PEAK1: variants seen among roughly 807,000 people sequenced by gnomAD.
The protein encoded by PEAK1 is inactive tyrosine-protein kinase PEAK1.
A neutral mutation model predicts 124.7 loss-of-function variants in PEAK1; 54 were observed. The ratio of observed to expected loss-of-function variants is 0.43; its 90% CI spans 0.35 to 0.54. The LOEUF (loss-of-function observed/expected upper bound fraction) is 0.54, where lower values mean the gene tolerates loss of function less well. PEAK1 is among the 20% of genes least tolerant of loss of function. PEAK1 has a pLI of 0.01. For missense variants in PEAK1, 2,046 were observed against 2,134.5 expected (o/e 0.96, Z 0.82); for synonymous variants, 719 against 760.0 (o/e 0.95, Z 0.89).
chr15:77,374,376 TA>T (rs1456959798), intron 1 of PEAK1, among the ~76,000 whole-genome samples: 8 of 152,192 alleles, frequency 5.3e-5, no homozygotes, highest in Admixed American at 4.6e-4. Context: ...ACCTAGAACG[TA>T]AAATCAGAGT....
chr15:77,208,827 C>G (rs1268738259), intron 6 of PEAK1, among the ~76,000 whole-genome samples: 1 of 152,092 alleles, frequency 6.6e-6, no homozygotes, highest in African/African-American at 2.4e-5. Flanking sequence ...TGGTGAAAAA[C>G]TGAAAGAATG....
chr15:77,198,787 G>C (rs946094283), intron 6 of PEAK1, among the ~76,000 whole-genome samples: 1 of 152,164 alleles, frequency 6.6e-6, no homozygotes, highest in Non-Finnish European at 1.5e-5. Flanking sequence ...AGGATGGTTT[G>C]ATAATTCTAG....
chr15:77,392,101 G>C (rs2070511950), intron 1 of PEAK1, among the ~76,000 whole-genome samples: 1 of 152,206 alleles, frequency 6.6e-6, no homozygotes, highest in African/African-American at 2.4e-5. Context: ...GATACAGGAA[G>C]GCCAGACTGT....
chr15:77,271,010 A>G (rs1047542335), intron 5 of PEAK1, among the ~76,000 whole-genome samples: 2 of 152,200 alleles, frequency 1.3e-5, no homozygotes, highest in African/African-American at 4.8e-5. Flanking sequence ...AGAATGGGAG[A>G]AAATTTTTGC....
intron 7 of PEAK1, among the ~76,000 whole-genome samples, chr15:77,175,196 G>A (rs2056775917): frequency 1.3e-5 from 2 of 151,998 alleles, no homozygotes; most frequent in Admixed American, 1.3e-4. Flanking sequence ...GCATGGGCAA[G>A]GACTTCATGT....
intron 9 of PEAK1, among the ~76,000 whole-genome samples, chr15:77,118,750 G>A (rs2051625261): frequency 6.6e-6 from 1 of 152,072 alleles, no homozygotes; most frequent in Non-Finnish European, 1.5e-5. Context: ...ACTCCTCCTA[G>A]GACCCCCAAA....
intron 2 of PEAK1, among the ~76,000 whole-genome samples, chr15:77,316,707 T>C (rs556145097): frequency 6.6e-6 from 1 of 152,196 alleles, no homozygotes; most frequent in African/African-American, 2.4e-5. Flanking sequence ...GAATACTACA[T>C]GTACACAGTG....
chr15:77,323,084 C>T (rs1235451753), intron 2 of PEAK1, among the ~76,000 whole-genome samples: 1 of 150,146 alleles, frequency 6.7e-6, no homozygotes, highest in Non-Finnish European at 1.5e-5. Flanking sequence ...AATTCAACAA[C>T]CTTCATGCTA....
intron 3 of PEAK1, among the ~76,000 whole-genome samples, 180 bp downstream of exon 3, chr15:77,286,243 T>C (rs1356302285): frequency 1.3e-5 from 2 of 152,218 alleles, no homozygotes; most frequent in African/African-American, 4.8e-5. Context: ...ATGATTTCTG[T>C]TCTTTTGCAT....
intron 8 of PEAK1, chr15:77,158,146 G>T (rs1321610567): frequency 5.8e-6 from 1 of 173,186 alleles, no homozygotes; most frequent in Admixed American, 5.7e-5. Flanking sequence ...CTCCAGAAAG[G>T]TATCTTTTGA....
At chr15:77,238,310 A>G (rs1567152119) in intron 6 of PEAK1, among the ~76,000 whole-genome samples, 1 of 151,414 alleles carries the variant, frequency 6.6e-6, no homozygotes, top group Non-Finnish European at 1.5e-5. Context: ...GCTGGTTGCT[A>G]CTCTTTCTGT....
chr15:77,409,301 C>T (rs1308280583), intron 1 of PEAK1, among the ~76,000 whole-genome samples: 2 of 152,102 alleles, frequency 1.3e-5, no homozygotes, highest in Admixed American at 6.6e-5. Context: ...TGATACTATG[C>T]TTCAGGCATT....
chr15:77,179,126 C>T lies in PEAK1; in HGVS notation c.2801G>A (p.Arg934His), dbSNP rs774258176. The T allele has an allele frequency of 1.3e-5, 21 of 1,614,008 alleles. No homozygotes were observed. Among genetic ancestry groups the T allele is most frequent in the East Asian group, 2.2e-5 (1 of 44,888 alleles). ...RWISFKSFFR[R>H]RKTDEEDDKE... ...GTCATCCTCCTCATCTGTTTTCCGA[C>T]GGCGGAAGAAGCTTTTAAATGATAT... Residue 934 changes from arginine (R) to histidine (H), a missense_variant, in exon 7 of 10, where the codon CGT becomes CAT. Arg to His is a conservative substitution (Grantham distance 29). Transcript: ENST00000682557.
chr15:77,224,996 T>C (rs1349585280), intron 6 of PEAK1, among the ~76,000 whole-genome samples: 2 of 152,014 alleles, frequency 1.3e-5, no homozygotes, highest in Admixed American at 6.6e-5. Context: ...ACAAATACAA[T>C]GTTCCTCAAT....
intron 6 of PEAK1, among the ~76,000 whole-genome samples, chr15:77,220,520 CA>C (rs34013493): frequency 0.1 from 7,903 of 76,748 alleles, 259 homozygotes; most frequent in African/African-American, 0.18. Context: ...AGCTAAAATT[CA>C]AAAAAAAAAA....
Position 77,181,460 on chromosome 15 carries a change from A to G in PEAK1, c.467T>C (p.Ile156Thr). The G allele has an allele frequency of 3.7e-6, 6 of 1,614,174 alleles. No individual in the cohort carries two copies. Among genetic ancestry groups the G allele is most frequent in the Non-Finnish European group, 5.1e-6 (6 of 1,180,032 alleles). ...CTGAGGGGCAGTATCCAAGCCTGCTATCTCCTTTAACACTTCAGTTAGTCC... is the reference window on the plus strand; with the variant it reads ...CTGAGGGGCAGTATCCAAGCCTGCTGTCTCCTTTAACACTTCAGTTAGTCC... ...NNGLTEVLKE[I>T]AGLDTAPQIR... is the part of the protein sequence containing the mutation. The change falls in exon 7 of 10, where the codon ATA becomes ACA. Residue 156 changes from isoleucine (I) to threonine (T), a missense_variant. Ile to Thr is a moderately conservative substitution (Grantham distance 89). Transcript: ENST00000682557.
Position 77,180,988 on chromosome 15 carries a change from A to G in PEAK1, c.939T>C (p.Tyr313=), listed in dbSNP as rs752143684. ...RICAVDYDDS[Y]DEILNGYEEN... is the part of the protein sequence containing the mutation. ...CCTCATAACCATTCAGGATTTCATC[A>G]TAGCTGTCATCATAGTCCACAGCAC... Residue 313 remains tyrosine, a synonymous_variant, in exon 7 of 10, where the codon TAT becomes TAC. Transcript: ENST00000682557. 2 of 1,614,212 alleles carry G rather than the reference A, an allele frequency of 1.2e-6. No individual in the cohort carries two copies. Among genetic ancestry groups the G allele is most frequent in the South Asian group, 1.1e-5 (1 of 91,086 alleles).
In PEAK1 at chr15:77,276,813, T is replaced by A. The variant is rs114642076; in HGVS notation, c.-275+7070A>T. The stretch of plus-strand genomic sequence containing the variant: ...ATAAAACCATTAATACACATAAAAA[T>A]ATATATAAACATGCATGTAATATAC... On this transcript the variant is annotated intron_variant, in intron 5 of 9. Coordinates refer to ENST00000682557, the MANE Select transcript of PEAK1 (RefSeq NM_001385026.1). Among the ~76,000 whole-genome samples the A allele has an allele frequency of 5.7e-3, 864 of 152,174 alleles. 11 individuals are homozygous for A. Among genetic ancestry groups the A allele is most frequent in the African/African-American group, 0.018 (745 of 41,542 alleles).
At chr15:77,251,911 GCTA>G (rs2060900877) in intron 6 of PEAK1, among the ~76,000 whole-genome samples, 1 of 152,228 alleles carries the variant, frequency 6.6e-6, no homozygotes, top group Non-Finnish European at 1.5e-5. Context: ...GTCCTGAGCT[GCTA>G]CTGTCTGCCT....
Sources: gnomAD v4.1 joint callset for allele counts (sites outside exome capture counted in the v4.1 genomes callset) on GRCh38, gnomAD v4.1.1 for gene constraint, MANE v1.5 for transcripts, NCBI Gene and HGNC (gene_info 2026-07-23, HGNC 2026-07-21) for gene names.